MACROD2: variants seen among roughly 807,000 people sequenced by gnomAD.
MACROD2 encodes ADP-ribose glycohydrolase MACROD2.
Under a neutral mutation model 70.4 loss-of-function variants are expected in MACROD2, and 36 were observed. That is an observed-to-expected ratio of 0.51 (90% CI 0.39 to 0.68). The LOEUF (loss-of-function observed/expected upper bound fraction) is 0.68. Among genes scored for constraint, MACROD2 ranks in the 30% least tolerant of loss-of-function variants. The pLI is 0.00. For missense variants in MACROD2, 496 were observed against 538.4 expected (o/e 0.92, Z 0.78); for synonymous variants, 172 against 178.8 (o/e 0.96, Z 0.30).
At chr20:14,513,868 G>A (rs1257112638) in intron 4 of MACROD2, among the ~76,000 whole-genome samples, 1 of 151,870 alleles carries the variant, frequency 6.6e-6, no homozygotes, top group Admixed American at 6.6e-5. Flanking sequence ...ATAATGGGAT[G>A]CTATTAAATT....
At chr20:15,346,862 T>A (rs1033807868) in intron 6 of MACROD2, among the ~76,000 whole-genome samples, 3 of 152,140 alleles carry the variant, frequency 2.0e-5, no homozygotes, top group Non-Finnish European at 1.5e-5. Context: ...GTGTGCTGAG[T>A]CAGGAGATTC....
chr20:15,219,563 G>A (rs1354233786), intron 5 of MACROD2, among the ~76,000 whole-genome samples: 1 of 152,156 alleles, frequency 6.6e-6, no homozygotes, highest in Non-Finnish European at 1.5e-5. Flanking sequence ...TAGAAGTTAT[G>A]TTAATGTAAT....
chr20:15,798,514 A>G (rs2063695626), intron 8 of MACROD2, among the ~76,000 whole-genome samples: 1 of 152,184 alleles, frequency 6.6e-6, no homozygotes, highest in African/African-American at 2.4e-5. Flanking sequence ...GAAAGTCACG[A>G]GCATCACTTG....
At chr20:15,221,083 A>T (rs1421335149) in intron 5 of MACROD2, among the ~76,000 whole-genome samples, 6 of 152,164 alleles carry the variant, frequency 3.9e-5, no homozygotes, top group Non-Finnish European at 1.5e-5. Flanking sequence ...GCATTTGTAG[A>T]ATTACCCTTG....
Position 14,879,538 on chromosome 20 carries a change from G to A in MACROD2, c.418+194579G>A, listed in dbSNP as rs144633523. 6.9e-3 allele frequency among the ~76,000 whole-genome samples: 1,056 copies of A among 152,268 alleles called. 13 individuals carry two copies. Among genetic ancestry groups the A allele is most frequent in the African/African-American group, 0.024 (1,008 of 41,556 alleles). ...AGAGGAAAATGGAGAGGCTATAGAG[G>A]TGAAATACTGTAATAATGTGGCTAA... On this transcript the variant is annotated intron_variant, in intron 5 of 17. Coordinates refer to ENST00000684519, the MANE Select transcript of MACROD2 (RefSeq NM_001351661.2).
intron 8 of MACROD2, among the ~76,000 whole-genome samples, chr20:15,612,487 G>A (rs144951256): frequency 1.3e-5 from 2 of 152,206 alleles, no homozygotes; most frequent in African/African-American, 4.8e-5. Context: ...GACTAGGCTA[G>A]AAATTTCTTT....
chr20:14,911,326 A>T (rs952402544), intron 5 of MACROD2, among the ~76,000 whole-genome samples: 5 of 151,508 alleles, frequency 3.3e-5, no homozygotes, highest in African/African-American at 1.2e-4. Context: ...TTGCTAGTTG[A>T]TTTTTTTTTC....
intron 5 of MACROD2, among the ~76,000 whole-genome samples, chr20:15,144,915 T>C (rs1051318203): frequency 6.6e-6 from 1 of 152,190 alleles, no homozygotes; most frequent in African/African-American, 2.4e-5. Context: ...CCATACTTAC[T>C]ATAGTACTTA....
At chr20:14,946,199 C>CA (rs113847000) in intron 5 of MACROD2, among the ~76,000 whole-genome samples, 42,445 of 142,838 alleles carry the variant, frequency 0.3, 7,172 homozygotes, top group African/African-American at 0.48. Context: ...AACTCTGTCT[C>CA]AAAAAAAAAA....
At chr20:14,043,685 A>G (rs2053426440) in intron 2 of MACROD2, among the ~76,000 whole-genome samples, 3 of 152,210 alleles carry the variant, frequency 2.0e-5, no homozygotes, top group South Asian at 2.1e-4. Flanking sequence ...CTCTTCTGAA[A>G]TGGGTGTCTT....
chr20:14,409,496 C>T (rs919951133), intron 3 of MACROD2, among the ~76,000 whole-genome samples: 6 of 151,900 alleles, frequency 3.9e-5, no homozygotes, highest in African/African-American at 1.5e-4. Flanking sequence ...TTAAGTAACT[C>T]ACCCAGAGTC....
intron 5 of MACROD2, among the ~76,000 whole-genome samples, chr20:14,991,174 C>G (rs1373639385): frequency 6.6e-6 from 1 of 152,068 alleles, no homozygotes; most frequent in Non-Finnish European, 1.5e-5. Context: ...CCTTCTTAAG[C>G]CTTGAATGAT....
At chr20:15,508,661 C>T (rs373457672) in intron 8 of MACROD2, among the ~76,000 whole-genome samples, 2 of 152,278 alleles carry the variant, frequency 1.3e-5, no homozygotes, top group African/African-American at 2.4e-5. Context: ...GCGTTGGGCA[C>T]CTTACCCAGA....
chr20:14,626,705 A>G lies in MACROD2; in HGVS notation c.302-58138A>G, dbSNP rs1292154677. 2.0e-5 allele frequency among the ~76,000 whole-genome samples: 3 copies of G among 152,188 alleles called. No homozygotes were observed. In the East Asian group the frequency reaches 5.8e-4, roughly 29 times the overall value. On this transcript the variant is annotated intron_variant, in intron 4 of 17. Coordinates refer to ENST00000684519, the MANE Select transcript of MACROD2 (RefSeq NM_001351661.2). Reference sequence around the variant, plus strand: ...AACAATAATCCATACTGGCAAGGGTAACGTATCCTCAGGAGGAAGTATGGC... The same window carrying G: ...AACAATAATCCATACTGGCAAGGGTGACGTATCCTCAGGAGGAAGTATGGC...
intron 13 of MACROD2, among the ~76,000 whole-genome samples, chr20:15,969,583 T>A (rs2066198635): frequency 6.6e-6 from 1 of 152,168 alleles, no homozygotes; most frequent in African/African-American, 2.4e-5. Context: ...GAACATCATA[T>A]TAGACACAGC....
chr20:15,362,479 T>G (rs1250539211), intron 6 of MACROD2, among the ~76,000 whole-genome samples: 1 of 152,196 alleles, frequency 6.6e-6, no homozygotes, highest in Non-Finnish European at 1.5e-5. Context: ...ATATTCAGTT[T>G]TTTGAGTTTT....
rs549559124 is a variant in MACROD2 at position 15,495,497 on chromosome 20, T to C, written c.572-4277T>C. 7.9e-5 allele frequency among the ~76,000 whole-genome samples: 12 copies of C among 152,338 alleles called. No individual in the cohort carries two copies. The South Asian group carries it at 2.5e-3, about 32-fold the overall frequency. On this transcript the variant is annotated intron_variant, in intron 7 of 17. Coordinates refer to ENST00000684519, the MANE Select transcript of MACROD2 (RefSeq NM_001351661.2). ...GGGATATTCTGAATATAACAATCTG[T>C]TGAGTACCTTCTCAGCATCCCTTCC...
chr20:16,037,109 C>T (rs2067246817), intron 15 of MACROD2, among the ~76,000 whole-genome samples: 1 of 152,004 alleles, frequency 6.6e-6, no homozygotes, highest in South Asian at 2.1e-4. Flanking sequence ...TACTGTGGCA[C>T]AACCTGAGAT....
chr20:15,923,697 T>G (rs2065446334), intron 10 of MACROD2, among the ~76,000 whole-genome samples: 1 of 152,212 alleles, frequency 6.6e-6, no homozygotes, highest in South Asian at 2.1e-4. Context: ...ATAGAGTAAT[T>G]TCCAAGTTAC....
Sources: gnomAD v4.1 joint callset for allele counts (sites outside exome capture counted in the v4.1 genomes callset) on GRCh38, gnomAD v4.1.1 for gene constraint, MANE v1.5 for transcripts, NCBI Gene and HGNC (gene_info 2026-07-23, HGNC 2026-07-21) for gene names.